Variants in XRRA1 observed in about 807,000 individuals in gnomAD.
XRRA1 encodes the protein X-ray radiation resistance-associated protein 1.
In XRRA1, 69 loss-of-function variants were observed where a neutral mutation model predicts 80.2. That is an observed-to-expected ratio of 0.86 (90% CI 0.71 to 1.05). The LOEUF is 1.05. Ranked by LOEUF, XRRA1 falls within the 50% of genes least tolerant of loss-of-function variation. The probability of loss-of-function intolerance (pLI) is 0.00; values close to 1 mark genes in which losing one functional copy is unlikely to be tolerated. For missense variants in XRRA1, 967 were observed against 976.4 expected (o/e 0.99, Z 0.13); for synonymous variants, 348 against 389.9 (o/e 0.89, Z 1.27).
At chr11:74,868,261 T>C (rs11236261) in intron 10 of XRRA1, among the ~76,000 whole-genome samples, 7,564 of 152,194 alleles carry the variant, frequency 0.05, 304 homozygotes, top group Non-Finnish European at 0.071. Context: ...GAATTTCATA[T>C]CCAGCCAAGC....
chr11:74,948,496 T>C (rs1490381461), intron 1 of XRRA1, among the ~76,000 whole-genome samples: 1 of 152,206 alleles, frequency 6.6e-6, no homozygotes, highest in South Asian at 2.1e-4. Flanking sequence ...GTGAAAAAAA[T>C]AATTAAAATC....
Position 74,937,049 on chromosome 11 carries a change from C to T in XRRA1, c.114G>A (p.Val38=), listed in dbSNP as rs1003070000. The part of the protein sequence containing the change: ...VPEEGQGHWL[V]VQKGNLKKKP... Reference sequence around the variant, plus strand: ...TCTTCTTGAGGTTACCTTTCTGAACCACTAACCAGTGTCCTTGGCCTGTTG... The same window carrying T: ...TCTTCTTGAGGTTACCTTTCTGAACTACTAACCAGTGTCCTTGGCCTGTTG... The change falls in exon 4 of 19, where the codon GTG becomes GTA. Residue 38 remains valine, a synonymous_variant. Transcript: ENST00000684022. 2 of 1,613,790 alleles carry T rather than the reference C, an allele frequency of 1.2e-6. No homozygotes were observed. Among genetic ancestry groups the T allele is most frequent in the African/African-American group, 1.3e-5 (1 of 75,008 alleles).
At chr11:74,880,823 G>C (rs1472481317) in intron 10 of XRRA1, among the ~76,000 whole-genome samples, 2 of 151,686 alleles carry the variant, frequency 1.3e-5, no homozygotes, top group Non-Finnish European at 3.0e-5. Context: ...TGTGGTCTGA[G>C]AGATAGTTTG....
intron 10 of XRRA1, among the ~76,000 whole-genome samples, chr11:74,901,235 G>A (rs1289444954): frequency 6.6e-6 from 1 of 151,960 alleles, no homozygotes; most frequent in Non-Finnish European, 1.5e-5. Flanking sequence ...ATTAACCAAA[G>A]AAGTAAAAGA....
intron 12 of XRRA1, among the ~76,000 whole-genome samples, chr11:74,857,244 T>C (rs758966209): frequency 2.0e-5 from 3 of 152,024 alleles, no homozygotes; most frequent in Non-Finnish European, 2.9e-5. Flanking sequence ...CTATATGCTG[T>C]CTAAAAGAGA....
In XRRA1 at chr11:74,844,888, G is replaced by A. The variant is rs116771510; in HGVS notation, c.1927+185C>T. ...CCAGTGAAGGCCTAGGCCAGGACAG[G>A]GGTCCCAATATGTGGGGCTTCAAAC... On this transcript the variant is annotated intron_variant, in intron 16 of 18. Coordinates refer to ENST00000684022, the MANE Select transcript of XRRA1 (RefSeq NM_001378157.1). Among the ~76,000 whole-genome samples the A allele has an allele frequency of 3.4e-3, 520 of 152,360 alleles. 1 individual carries two copies. Among genetic ancestry groups the A allele is most frequent in the Non-Finnish European group, 5.8e-3 (394 of 68,038 alleles).
At chr11:74,919,880 C>T in intron 8 of XRRA1, 1 of 399,406 alleles carries the variant, frequency 2.5e-6, no homozygotes, top group Non-Finnish European at 4.7e-6. Flanking sequence ...GATGAAGATT[C>T]ACCAAATAAG....
At chr11:74,844,896 A>G (rs1412766243) in intron 16 of XRRA1, among the ~76,000 whole-genome samples, 177 bp downstream of exon 16, 1 of 152,264 alleles carries the variant, frequency 6.6e-6, no homozygotes, top group Non-Finnish European at 1.5e-5. Flanking sequence ...AGGGGTCCCA[A>G]TATGTGGGGC....
chr11:74,848,042 A>G (rs2038755561), intron 15 of XRRA1, 73 bp downstream of exon 15: 2 of 1,362,644 alleles, frequency 1.5e-6, no homozygotes, highest in South Asian at 1.4e-5. Context: ...GTCCACAGCA[A>G]TCGAGCCTAA....
intron 10 of XRRA1, among the ~76,000 whole-genome samples, chr11:74,878,307 GTTGT>G (rs1177723681): frequency 1.6e-3 from 238 of 151,444 alleles, no homozygotes; most frequent in African/African-American, 4.5e-3. Context: ...TTTTGATGGG[GTTGT>G]TTGTTTTTTT....
chr11:74,855,826 T>C (rs1485431645), intron 12 of XRRA1, among the ~76,000 whole-genome samples: 2 of 152,226 alleles, frequency 1.3e-5, no homozygotes, highest in Non-Finnish European at 2.9e-5. Context: ...GCTGTATTAT[T>C]TGACATGATT....
At chr11:74,910,460 G>A (rs1391006169) in intron 8 of XRRA1, among the ~76,000 whole-genome samples, 8 of 152,100 alleles carry the variant, frequency 5.3e-5, no homozygotes, top group Admixed American at 2.0e-4. Flanking sequence ...AGTAGTCTAC[G>A]TATAGAATGG....
chr11:74,918,292 C>G (rs907677746), intron 8 of XRRA1, among the ~76,000 whole-genome samples: 19 of 123,874 alleles, frequency 1.5e-4, no homozygotes, highest in Non-Finnish European at 2.8e-4. Context: ...CATTTTCTTC[C>G]TTCCTTAGTG....
chr11:74,933,867 C>A lies in XRRA1; in HGVS notation c.285G>T (p.Lys95Asn). 10 of 1,603,310 alleles carry A rather than the reference C, an allele frequency of 6.2e-6. No individual in the cohort carries two copies. Among genetic ancestry groups the A allele is most frequent in the Non-Finnish European group, 8.5e-6 (10 of 1,174,752 alleles). ...CTGATGGCTTCCTCACACAGTGGTG[C>A]TTCAGCTGGAACATAATACAAAGAG... ...GHILDQAFLL[K>N]HHCVRKPSDL... Residue 95 changes from lysine to asparagine, a missense_variant, in exon 5 of 19, where the codon AAG becomes AAT. Lys to Asn is a moderately conservative substitution (Grantham distance 94). Coordinates refer to ENST00000684022, the MANE Select transcript of XRRA1 (RefSeq NM_001378157.1).
intron 10 of XRRA1, among the ~76,000 whole-genome samples, chr11:74,890,571 T>C (rs1283620350): frequency 1.3e-5 from 2 of 151,728 alleles, no homozygotes; most frequent in African/African-American, 2.4e-5. Context: ...CTGAAGGAAA[T>C]AGAGACACAA....
chr11:74,942,983 G>A (rs539558818), intron 2 of XRRA1, among the ~76,000 whole-genome samples: 124 of 152,364 alleles, frequency 8.1e-4, no homozygotes, highest in Non-Finnish European at 1.4e-3. Flanking sequence ...GCATCCAGGG[G>A]AGGGGTTCCC....
At chr11:74,936,821 C>T in intron 4 of XRRA1, 63 bp downstream of exon 4, 1 of 1,524,882 alleles carries the variant, frequency 6.6e-7, no homozygotes, top group Non-Finnish European at 8.8e-7. Flanking sequence ...AGGGCAAATC[C>T]TTCCCCACTT....
intron 8 of XRRA1, chr11:74,919,097 C>T (rs1245613438): frequency 1.3e-5 from 2 of 152,324 alleles, no homozygotes; most frequent in African/African-American, 4.8e-5. Context: ...TCCCTTCTAA[C>T]AGCCATGTAA....
intron 10 of XRRA1, among the ~76,000 whole-genome samples, chr11:74,881,689 G>A (rs561370483): frequency 4.6e-5 from 7 of 151,928 alleles, no homozygotes; most frequent in African/African-American, 1.5e-4. Flanking sequence ...AGGAGCTCTT[G>A]TAAGGCAGGC....
Sources: gnomAD v4.1 joint callset for allele counts (sites outside exome capture counted in the v4.1 genomes callset) on GRCh38, gnomAD v4.1.1 for gene constraint, MANE v1.5 for transcripts, NCBI Gene and HGNC (gene_info 2026-07-23, HGNC 2026-07-21) for gene names.